ROBO1: variants seen among roughly 807,000 people sequenced by gnomAD.
ROBO1 encodes the protein roundabout homolog 1.
ROBO1 carries 149 observed loss-of-function variants against 195.9 expected under a neutral mutation model. That is an observed-to-expected ratio of 0.76 (90% CI 0.67 to 0.87). ROBO1 has a LOEUF of 0.87. ROBO1 is among the 40% of genes least tolerant of loss of function. The pLI is 0.00. For missense variants in ROBO1, 1,933 were observed against 2,068.3 expected, an observed-to-expected ratio of 0.93 and a Z score of 1.27; for synonymous variants, 816 against 733.2, an observed-to-expected ratio of 1.11 and a Z score of -1.82.
chr3:79,412,354 A>G (rs1280399006), intron 2 of ROBO1, among the ~76,000 whole-genome samples: 1 of 152,108 alleles, frequency 6.6e-6, no homozygotes, highest in Non-Finnish European at 1.5e-5. Context: ...CACTTCTTCC[A>G]TATGTTTGTC....
intron 5 of ROBO1, among the ~76,000 whole-genome samples, chr3:78,731,561 C>A (rs1247338072): frequency 6.6e-6 from 1 of 152,048 alleles, no homozygotes; most frequent in Non-Finnish European, 1.5e-5. Flanking sequence ...ATAGAAAGTA[C>A]ACTATCAGAA....
At chr3:79,062,669 TA>T (rs376858613) in intron 3 of ROBO1, among the ~76,000 whole-genome samples, 2 of 152,062 alleles carry the variant, frequency 1.3e-5, no homozygotes, top group Non-Finnish European at 2.9e-5. Context: ...TATGCAGCCA[TA>T]AAAAAGAATG....
At chr3:79,266,904 T>A (rs996951808) in intron 2 of ROBO1, among the ~76,000 whole-genome samples, 1 of 151,640 alleles carries the variant, frequency 6.6e-6, no homozygotes, top group South Asian at 2.1e-4. Flanking sequence ...TGCTCTCCCA[T>A]ATAATGTAGA....
chr3:78,681,597 G>A (rs1405366201), intron 10 of ROBO1, among the ~76,000 whole-genome samples: 1 of 152,128 alleles, frequency 6.6e-6, no homozygotes, highest in Non-Finnish European at 1.5e-5. Flanking sequence ...TGGAAACAAC[G>A]TGCAGAAGAC....
At chr3:79,035,857 C>A (rs751961196) in intron 3 of ROBO1, among the ~76,000 whole-genome samples, 14 of 152,002 alleles carry the variant, frequency 9.2e-5, no homozygotes, top group Non-Finnish European at 1.8e-4. Flanking sequence ...TTGTTTACTG[C>A]ACAAACAAAA....
chr3:79,646,917 G>A (rs1482543977), intron 1 of ROBO1, among the ~76,000 whole-genome samples: 2 of 152,014 alleles, frequency 1.3e-5, no homozygotes, highest in Non-Finnish European at 2.9e-5. Context: ...GGCTAAGAGG[G>A]AAAGGGGATA....
intron 2 of ROBO1, among the ~76,000 whole-genome samples, chr3:79,150,620 C>T (rs1324019619): frequency 6.6e-6 from 1 of 151,400 alleles, no homozygotes; most frequent in African/African-American, 2.4e-5. Flanking sequence ...CATACAGGCC[C>T]CCAAATTCAT....
At chr3:79,485,069 GAAA>G (rs1939087176) in intron 2 of ROBO1, among the ~76,000 whole-genome samples, 1 of 151,918 alleles carries the variant, frequency 6.6e-6, no homozygotes, top group Non-Finnish European at 1.5e-5. Context: ...TTTACTCTTA[GAAA>G]AGACTCTGAA....
At chr3:78,942,174 G>A (rs1308350821) in intron 3 of ROBO1, among the ~76,000 whole-genome samples, 2 of 151,860 alleles carry the variant, frequency 1.3e-5, no homozygotes, top group African/African-American at 2.4e-5. Context: ...TATGATGCAC[G>A]CCTGTAATCC....
chr3:78,641,842 C>T (rs1705977778), intron 21 of ROBO1, among the ~76,000 whole-genome samples: 1 of 152,248 alleles, frequency 6.6e-6, no homozygotes, highest in South Asian at 2.1e-4. Flanking sequence ...GCTGAGAGAC[C>T]TTTTCATATA....
chr3:78,651,424 A>C (rs1372915821), intron 19 of ROBO1, among the ~76,000 whole-genome samples: 1 of 152,180 alleles, frequency 6.6e-6, no homozygotes, highest in African/African-American at 2.4e-5. Context: ...TCCTTCAAGA[A>C]TATAAAGCAA....
At chr3:79,514,861 G>A (rs1940875473) in intron 2 of ROBO1, among the ~76,000 whole-genome samples, 1 of 152,070 alleles carries the variant, frequency 6.6e-6, no homozygotes. Context: ...AAGGAAACAT[G>A]CTTTTGTTCT....
intron 4 of ROBO1, among the ~76,000 whole-genome samples, chr3:78,929,716 C>G (rs2039407650): frequency 6.6e-6 from 1 of 151,856 alleles, no homozygotes; most frequent in African/African-American, 2.4e-5. Flanking sequence ...GTTGCCCAGG[C>G]TGGTCTCAAA....
At chr3:79,672,137 T>G (rs554733298) in intron 1 of ROBO1, among the ~76,000 whole-genome samples, 1 of 152,108 alleles carries the variant, frequency 6.6e-6, no homozygotes, top group East Asian at 1.9e-4. Flanking sequence ...GCTATTTAAT[T>G]TGCTCTTGTA....
chr3:78,815,249 T>G (rs2108646790), intron 4 of ROBO1, among the ~76,000 whole-genome samples: 1 of 152,198 alleles, frequency 6.6e-6, no homozygotes, highest in Admixed American at 6.5e-5. Flanking sequence ...TAGAAATGAT[T>G]AAGATCACTG....
At chr3:78,674,615 C>A (rs1227370327) in intron 10 of ROBO1, among the ~76,000 whole-genome samples, 1 of 152,146 alleles carries the variant, frequency 6.6e-6, no homozygotes, top group Non-Finnish European at 1.5e-5. Context: ...GTTGAACTGG[C>A]TAGTAGGGAA....
chr3:78,699,255 A>G (rs1385380492), intron 8 of ROBO1, among the ~76,000 whole-genome samples: 1 of 152,054 alleles, frequency 6.6e-6, no homozygotes, highest in Non-Finnish European at 1.5e-5. Context: ...AAAACAAAAT[A>G]AAAGGCTAGG....
At chr3:78,892,086 C>T (rs186051076) in intron 4 of ROBO1, among the ~76,000 whole-genome samples, 9 of 152,200 alleles carry the variant, frequency 5.9e-5, no homozygotes, top group Admixed American at 2.0e-4. Context: ...ATAAAAAATG[C>T]GGGCCGTGCA....
Position 79,403,932 on chromosome 3 carries a change from T to C in ROBO1, c.88+185892A>G, listed in dbSNP as rs2037455062. Among the ~76,000 whole-genome samples the C allele has an allele frequency of 2.0e-5, 3 of 152,078 alleles. No individual in the cohort carries two copies. The South Asian group carries it at 6.2e-4, about 32-fold the overall frequency. ...ATGAATGCTGGATTTATTTCAGTTA[T>C]GTTCATCCTATTAGATTACTCAGAG... On this transcript the variant is annotated intron_variant, in intron 2 of 30. Coordinates refer to ENST00000464233, the MANE Select transcript of ROBO1 (RefSeq NM_002941.4).
Sources: allele counts gnomAD v4.1 joint callset (sites outside exome capture counted in the v4.1 genomes callset), GRCh38; gene constraint gnomAD v4.1.1; transcripts MANE v1.5; gene names NCBI Gene and HGNC (gene_info 2026-07-23, HGNC 2026-07-21).